Variants in SDK1 observed in about 807,000 individuals in gnomAD.
SDK1 encodes the protein sidekick cell adhesion molecule 1.
In SDK1, 157 loss-of-function variants were observed where a neutral mutation model predicts 245.5. The observed-to-expected ratio is 0.64, with a 90% confidence interval of 0.56 to 0.73. SDK1 has a LOEUF of 0.73. SDK1 is among the 30% of genes least tolerant of loss of function. SDK1 has a pLI of 0.00. For synonymous variants in SDK1, 1,647 were observed against 1,278.5 expected (o/e 1.29, Z -6.15); for missense variants, 3,583 against 3,002.3 (o/e 1.19, Z -4.52).
chr7:4,217,858 G>T (rs1784921269), intron 38 of SDK1, among the ~76,000 whole-genome samples: 1 of 152,136 alleles, frequency 6.6e-6, no homozygotes, highest in African/African-American at 2.4e-5. Context: ...GCCTCCTGTG[G>T]GATAGAATTT....
At chr7:3,491,071 C>A (rs1313169615) in intron 1 of SDK1, among the ~76,000 whole-genome samples, 2 of 152,162 alleles carry the variant, frequency 1.3e-5, no homozygotes, top group Non-Finnish European at 2.9e-5. Flanking sequence ...GAGGTGTTAT[C>A]CCATTTTATA....
intron 32 of SDK1, among the ~76,000 whole-genome samples, chr7:4,162,170 G>A (rs1177687220): frequency 6.6e-6 from 1 of 152,104 alleles, no homozygotes; most frequent in Non-Finnish European, 1.5e-5. Flanking sequence ...GTATGTCTTG[G>A]CATTTCACCG....
At chr7:3,658,849 C>T (rs151068930) in intron 4 of SDK1, among the ~76,000 whole-genome samples, 1 of 152,058 alleles carries the variant, frequency 6.6e-6, no homozygotes, top group African/African-American at 2.4e-5. Flanking sequence ...AATTCTTGAC[C>T]TCAGGTGATC....
intron 1 of SDK1, among the ~76,000 whole-genome samples, chr7:3,329,272 C>T (rs759545829): frequency 6.6e-5 from 10 of 152,134 alleles, no homozygotes; most frequent in Non-Finnish European, 1.3e-4. Flanking sequence ...TTTGATGACT[C>T]TGGGGAAAAG....
intron 10 of SDK1, 62 bp from the exon 11 acceptor site, chr7:3,969,195 C>T: frequency 7.0e-7 from 1 of 1,420,368 alleles, no homozygotes; most frequent in African/African-American, 1.4e-5. Flanking sequence ...GCTCTAACCA[C>T]TATCTTCATT....
intron 1 of SDK1, among the ~76,000 whole-genome samples, chr7:3,468,027 G>A (rs1440207792): frequency 6.6e-6 from 1 of 151,856 alleles, no homozygotes; most frequent in Non-Finnish European, 1.5e-5. Context: ...CATTTATAAT[G>A]TAATCTATGC....
At chr7:3,964,815 G>A (rs1781973228) in intron 9 of SDK1, among the ~76,000 whole-genome samples, 1 of 152,326 alleles carries the variant, frequency 6.6e-6, no homozygotes, top group Middle Eastern at 3.4e-3. Context: ...CCTGCAAGGA[G>A]ACTGACCAGG....
At chr7:3,425,054 A>G (rs1450697660) in intron 1 of SDK1, among the ~76,000 whole-genome samples, 1 of 152,074 alleles carries the variant, frequency 6.6e-6, no homozygotes, top group African/African-American at 2.4e-5. Context: ...CTCTATGTGG[A>G]AAAAGTATTC....
rs17134178 is a variant in SDK1, at chr7:4,014,261, C to T, written c.2420+2026C>T. On this transcript the variant is annotated intron_variant, in intron 16 of 44. Transcript: ENST00000404826. ...CCTCTCTGATGTTACGAGGCCACTT[C>T]GGGGACTGCACATTTCTCTGTTTTG... Among the ~76,000 whole-genome samples, 1,482 of 152,278 alleles carry T rather than the reference C, an allele frequency of 9.7e-3. 25 individuals are homozygous for T. The highest frequency in any genetic ancestry group is 0.034 in the African/African-American group (1,425 of 41,550).
intron 14 of SDK1, among the ~76,000 whole-genome samples, chr7:3,989,173 G>A (rs561105786): frequency 5.9e-5 from 9 of 152,332 alleles, no homozygotes; most frequent in African/African-American, 1.9e-4. Flanking sequence ...ACAGAGGAAA[G>A]AGGTTTAATG....
chr7:3,701,009 CAT>C (rs1233071113), intron 4 of SDK1, among the ~76,000 whole-genome samples: 14 of 152,100 alleles, frequency 9.2e-5, no homozygotes, highest in East Asian at 3.8e-4. Flanking sequence ...GCGTGAGCCC[CAT>C]AGGGCTGGGG....
intron 1 of SDK1, among the ~76,000 whole-genome samples, chr7:3,473,974 A>T (rs1472697730): frequency 6.6e-6 from 1 of 152,066 alleles, no homozygotes; most frequent in African/African-American, 2.4e-5. Flanking sequence ...TTCAGGCTCA[A>T]ATGCCTCGAT....
intron 1 of SDK1, among the ~76,000 whole-genome samples, chr7:3,514,911 T>C (rs1029827557): frequency 3.9e-5 from 6 of 152,168 alleles, no homozygotes; most frequent in Admixed American, 3.9e-4. Flanking sequence ...CTTTCACTCA[T>C]TTAAGTGTGA....
intron 1 of SDK1, among the ~76,000 whole-genome samples, chr7:3,403,917 C>A (rs1522503): frequency 7.5e-6 from 1 of 133,390 alleles, no homozygotes; most frequent in Non-Finnish European, 1.6e-5. Context: ...ATTCCATATA[C>A]AGGCATACCT....
At chr7:3,686,072 CT>C (rs35200592) in intron 4 of SDK1, among the ~76,000 whole-genome samples, 14 of 151,646 alleles carry the variant, frequency 9.2e-5, no homozygotes, top group Admixed American at 4.6e-4. Flanking sequence ...ATGAGGCAAA[CT>C]TTTTTTTATT....
chr7:3,833,823 C>T (rs555779272), intron 5 of SDK1, among the ~76,000 whole-genome samples: 28 of 152,270 alleles, frequency 1.8e-4, no homozygotes, highest in Middle Eastern at 6.8e-3. Flanking sequence ...ACAGCATGTT[C>T]TTGATGAAAA....
chr7:3,775,025 C>T (rs17133803), intron 4 of SDK1, among the ~76,000 whole-genome samples: 2,121 of 152,228 alleles, frequency 0.014, 31 homozygotes, highest in African/African-American at 0.037. Flanking sequence ...CAGTGCTCGG[C>T]GCTGATCGAT....
chr7:3,757,727 G>A (rs976991085), intron 4 of SDK1, among the ~76,000 whole-genome samples: 3 of 152,142 alleles, frequency 2.0e-5, no homozygotes, highest in African/African-American at 7.2e-5. Flanking sequence ...CAACCCCATT[G>A]CTGGAGGGTT....
Position 4,158,559 on chromosome 7 carries a change from A to T in SDK1, c.4729+8A>T. ...TGACCACGCTGCAGGATGGTGAGCA[A>T]CCCGGGGCCCAGACCGCGTTCCTGG... On this transcript the variant is annotated splice_region_variant and intron_variant, in intron 31 of 44. Coordinates refer to ENST00000404826, the MANE Select transcript of SDK1 (RefSeq NM_152744.4). The T allele has an allele frequency of 6.2e-7, 1 of 1,605,812 alleles. No individual in the cohort carries two copies. The highest frequency in any genetic ancestry group is 8.5e-7 in the Non-Finnish European group (1 of 1,173,382).
Sources: allele counts gnomAD v4.1 joint callset (sites outside exome capture counted in the v4.1 genomes callset), GRCh38; gene constraint gnomAD v4.1.1; transcripts MANE v1.5; gene names NCBI Gene and HGNC (gene_info 2026-07-23, HGNC 2026-07-21).